Variants in LMNB2 observed in about 807,000 individuals in gnomAD.
LMNB2 encodes the protein lamin B2.
A neutral mutation model predicts 69.3 loss-of-function variants in LMNB2; 17 were observed. That is an observed-to-expected ratio of 0.25 (90% CI 0.17 to 0.37). The LOEUF is 0.37. Ranked by LOEUF, LMNB2 falls within the 10% of genes least tolerant of loss-of-function variation. The pLI is 1.00. For synonymous variants in LMNB2, 397 were observed against 389.3 expected, an observed-to-expected ratio of 1.02 and a Z score of -0.23; for missense variants, 789 against 883.6, an observed-to-expected ratio of 0.89 and a Z score of 1.36.
Position 2,434,360 on chromosome 19 carries a change from G to A in LMNB2, c.1137C>T (p.Asp379=), listed in dbSNP as rs144455343. 38 of 1,613,270 alleles carry A rather than the reference G, an allele frequency of 2.4e-5. No homozygotes were observed. In the Admixed American group the frequency reaches 2.5e-4, roughly 11 times the overall value. ...TCTCCATGTCCAGGGCCAGCTTCAC[G>A]TCCAGCAGCTCCTGGTACTCGGCCA... is the stretch of plus-strand genomic sequence containing the variant. ...QQLAEYQELL[D]VKLALDMEIN... Residue 379 remains aspartate (D), a synonymous_variant, in exon 7 of 12, where the codon GAC becomes GAT. Transcript: ENST00000325327.
At position 2,434,881 on chromosome 19, in the gene LMNB2, G is replaced by A. The variant is rs761573780; in HGVS notation, c.888C>T (p.Asn296=). The A allele has an allele frequency of 2.9e-5, 46 of 1,606,670 alleles. No homozygotes were observed. Among genetic ancestry groups the A allele is most frequent in the East Asian group, 2.5e-4 (11 of 44,844 alleles). The change falls in exon 6 of 12, where the codon AAC becomes AAT. Residue 296 remains asparagine (N), a synonymous_variant. Transcript: ENST00000325327. The stretch of plus-strand genomic sequence containing the variant: ...CGCGAGCCGCACTGGCCGCCTTGTC[G>A]TTCTGGTCAGAGCTCAGCTTGGCGC... ...LDSAKLSSDQ[N]DKAASAAREE... is the part of the protein sequence containing the mutation.
intron 2 of LMNB2, among the ~76,000 whole-genome samples, chr19:2,439,363 A>G (rs1971867447): frequency 6.6e-6 from 1 of 151,578 alleles, no homozygotes; most frequent in Non-Finnish European, 1.5e-5. Context: ...GCAGCGTCAC[A>G]ACTGCTGACA....
chr19:2,440,603 TATCCATCCACCCATC>T (rs1041364383), intron 2 of LMNB2, among the ~76,000 whole-genome samples: 9 of 150,710 alleles, frequency 6.0e-5, no homozygotes, highest in South Asian at 4.2e-4. Flanking sequence ...TCTGTCCATC[TATCCATCCACCCATC>T]ATCCATCCAT....
In LMNB2 at chr19:2,453,484, T is replaced by G. The variant is rs1480855582; in HGVS notation, c.264+3186A>C. Among the ~76,000 whole-genome samples, 2 of 151,028 alleles carry G rather than the reference T, an allele frequency of 1.3e-5. No individual in the cohort carries two copies. Among genetic ancestry groups the G allele is most frequent in the Non-Finnish European group, 3.0e-5 (2 of 67,770 alleles). ...ACCAGCGGCCCCCACCCCAGCAGGC[T>G]TCCAACTCTGCTCCCCACTAGCCGG... is the stretch of plus-strand genomic sequence containing the variant. On this transcript the variant is annotated intron_variant, in intron 1 of 11. Transcript: ENST00000325327. The surrounding 1 kb of genome is among the most constrained non-coding windows in gnomAD (Gnocchi z 4.4).
Position 2,429,496 on chromosome 19 carries a change from T to TGGGGCC in LMNB2, c.*1409_*1414dup, listed in dbSNP as rs984886635. 6.6e-6 allele frequency: 1 copy of TGGGGCC among 152,226 alleles called. No homozygotes were observed. The highest frequency in any genetic ancestry group is 1.5e-5 in the Non-Finnish European group (1 of 68,032). 9.4% of individuals were successfully genotyped at this position (152,226 alleles called of 1,614,324 possible). ...CGCTGGCTCCTTCCCGGCCTGGGGCTGGGGCCCCCCATTCCTTCCTGCCAC... is the reference window on the plus strand; with the variant it reads ...CGCTGGCTCCTTCCCGGCCTGGGGCTGGGGCCGGGGCCCCCCATTCCTTCCTGCCAC... On this transcript the variant is annotated 3_prime_UTR_variant, in exon 12 of 12. Transcript: ENST00000325327.
intron 1 of LMNB2, 78 bp downstream of exon 1, chr19:2,456,592 T>C: frequency 1.6e-6 from 2 of 1,288,392 alleles, no homozygotes; most frequent in Non-Finnish European, 2.0e-6. Flanking sequence ...CCGCCCAGGG[T>C]CCCCGCGATC....
Position 2,431,636 on chromosome 19 carries a change from T to C in LMNB2, c.1733A>G (p.Lys578Arg). The change falls in exon 11 of 12, where the codon AAG becomes AGG. Residue 578 changes from lysine to arginine, a missense_variant. Physicochemically the swap from Lys to Arg is conservative, Grantham distance 26. Coordinates refer to ENST00000325327, the MANE Select transcript of LMNB2 (RefSeq NM_032737.4). ...ATTCTCACGCATCACCGAGGACTTC[T>C]TCACAGTCCTCATGGCCACTTCCTG... Reference protein sequence around the residue: ...DGEEVAMRTVKKSSVMRENEN... With the variant: ...DGEEVAMRTVRKSSVMRENEN... 6.2e-7 allele frequency: 1 copy of C among 1,614,124 alleles called. No homozygotes were observed. The highest frequency in any genetic ancestry group is 1.1e-5 in the South Asian group (1 of 91,082).
In LMNB2 at chr19:2,447,930, A is replaced by G. The variant is rs1188578347; in HGVS notation, c.265-3390T>C. Among the ~76,000 whole-genome samples the G allele has an allele frequency of 2.6e-5, 4 of 152,228 alleles. No individual in the cohort carries two copies. The highest frequency in any genetic ancestry group is 9.6e-5 in the African/African-American group (4 of 41,460). On this transcript the variant is annotated intron_variant, in intron 1 of 11. Coordinates refer to ENST00000325327, the MANE Select transcript of LMNB2 (RefSeq NM_032737.4). This position sits in a 1 kb window ranked among gnomAD's most constrained non-coding sequence, Gnocchi z 4.4. ...CCGTCAGCCTACAGTGGGGCGGGATAAGGGTTCCCAACCTGATTTTATGTA... is the reference window on the plus strand; with the variant it reads ...CCGTCAGCCTACAGTGGGGCGGGATGAGGGTTCCCAACCTGATTTTATGTA...
intron 11 of LMNB2, 39 bp from the exon 12 acceptor site, chr19:2,430,991 G>A: frequency 1.3e-6 from 2 of 1,519,810 alleles, no homozygotes; most frequent in Non-Finnish European, 9.1e-7. Flanking sequence ...CATGATCAGG[G>A]CCAGCCTGGA....
At chr19:2,444,648 CAG>C (rs1971933735) in intron 1 of LMNB2, 108 bp from the exon 2 acceptor site, 50 of 1,428,904 alleles carry the variant, frequency 3.5e-5, no homozygotes, top group Non-Finnish European at 4.5e-5. Flanking sequence ...GACTGGCACG[CAG>C]AGAGAGAGGA....
intron 8 of LMNB2, 24 bp downstream of exon 8, chr19:2,433,802 C>T (rs773216050): frequency 1.2e-6 from 2 of 1,612,936 alleles, no homozygotes; most frequent in East Asian, 4.5e-5. Flanking sequence ...CCCGTTACCC[C>T]CATGCCCCGG....
chr19:2,432,226 C>G (rs985697688), intron 9 of LMNB2, among the ~76,000 whole-genome samples, 190 bp downstream of exon 9: 4 of 152,148 alleles, frequency 2.6e-5, no homozygotes, highest in African/African-American at 9.7e-5. Context: ...GCACACCACT[C>G]AGGCTCCAGG....
At chr19:2,449,172 T>C (rs1390614380) in intron 1 of LMNB2, among the ~76,000 whole-genome samples, 1 of 152,216 alleles carries the variant, frequency 6.6e-6, no homozygotes, top group Non-Finnish European at 1.5e-5. Context: ...ACTGGGATTA[T>C]AGGCGGGAGC....
At position 2,438,516 on chromosome 19, in the gene LMNB2, C is replaced by T. The variant is rs1346020211; in HGVS notation, c.417G>A (p.Glu139=). 2 of 1,608,816 alleles carry T rather than the reference C, an allele frequency of 1.2e-6. No individual in the cohort carries two copies. The highest frequency in any genetic ancestry group is 1.7e-5 in the Admixed American group (1 of 59,928). The change falls in exon 3 of 12, where the codon GAG becomes GAA. Residue 139 remains glutamate, a synonymous_variant. Coordinates refer to ENST00000325327, the MANE Select transcript of LMNB2 (RefSeq NM_032737.4). ...DEVNKSAKKR[E]GELTVAQGRV... ...GGCCCTGGGCCACCGTAAGCTCGCC[C>T]TCCCTCTTCTTGGCGCTGAAAGTCA...
chr19:2,447,352 T>G lies in LMNB2; in HGVS notation c.265-2812A>C. ...CACACAGTGTGTAATCCCATTTCCA[T>G]GAAATGTCCAGGTCAGGCCAGTGCA... is the stretch of plus-strand genomic sequence containing the variant. On this transcript the variant is annotated intron_variant, in intron 1 of 11. Transcript: ENST00000325327. This position sits in a 1 kb window ranked among gnomAD's most constrained non-coding sequence, Gnocchi z 4.4. 6.6e-6 allele frequency among the ~76,000 whole-genome samples: 1 copy of G among 151,682 alleles called. No individual in the cohort carries two copies. The highest frequency in any genetic ancestry group is 1.9e-4 in the East Asian group (1 of 5,176).
chr19:2,431,440 A>T, intron 11 of LMNB2, 108 bp downstream of exon 11: 1 of 1,431,338 alleles, frequency 7.0e-7, no homozygotes. Context: ...CGGCAGCCAG[A>T]TGGAGCTCCC....
At chr19:2,439,179 C>T (rs1025625905) in intron 2 of LMNB2, among the ~76,000 whole-genome samples, 3 of 151,416 alleles carry the variant, frequency 2.0e-5, no homozygotes, top group African/African-American at 4.9e-5. Flanking sequence ...CCACCGCGTA[C>T]GGCTGACTCT....
At chr19:2,455,240 G>T (rs554490788) in intron 1 of LMNB2, among the ~76,000 whole-genome samples, 3 of 151,970 alleles carry the variant, frequency 2.0e-5, no homozygotes, top group Non-Finnish European at 1.5e-5. Context: ...CTGAGACCAC[G>T]TGACTCACCC....
chr19:2,456,186 G>A (rs1045765146), intron 1 of LMNB2, among the ~76,000 whole-genome samples: 3 of 150,346 alleles, frequency 2.0e-5, no homozygotes, highest in Non-Finnish European at 4.4e-5. Context: ...CCCGAGGCCG[G>A]ACTGTCCCCG....
Sources: gnomAD v4.1 joint callset for allele counts (sites outside exome capture counted in the v4.1 genomes callset) on GRCh38, gnomAD v4.1.1 for gene constraint, Gnocchi (gnomAD v3.1) non-coding constraint, MANE v1.5 for transcripts, NCBI Gene and HGNC (gene_info 2026-07-23, HGNC 2026-07-21) for gene names.